The following TMEM176B variants were observed in gnomAD, a reference collection of about 807,000 sequenced individuals.
TMEM176B encodes the protein transmembrane protein 176B.
Under a neutral mutation model 30.3 loss-of-function variants are expected in TMEM176B, and 28 were observed. The ratio of observed to expected loss-of-function variants is 0.92; its 90% confidence interval spans 0.68 to 1.27. The LOEUF (loss-of-function observed/expected upper bound fraction) is 1.27, where lower values mean the gene tolerates loss of function less well. TMEM176B is among the 50% of genes most tolerant of loss of function. The pLI is 0.00. For missense variants in TMEM176B, 349 were observed against 327.4 expected, an observed-to-expected ratio of 1.07 and a Z score of -0.51; for synonymous variants, 123 against 130.3, an observed-to-expected ratio of 0.94 and a Z score of 0.38.
upstream of TMEM176B, chr7:150,801,330 C>CAG (rs1798776405): frequency 2.0e-6 from 1 of 509,912 alleles, no homozygotes; most frequent in Admixed American, 3.9e-5. Context: ...CCCGCAGGCT[C>CAG]TGTAGTCGCC....
intron 1 of TMEM176B, 145 bp from the exon 2 acceptor site, chr7:150,796,719 G>A: frequency 1.2e-6 from 1 of 801,254 alleles, no homozygotes; most frequent in Non-Finnish European, 2.0e-6. Flanking sequence ...AGTGCTTTGG[G>A]AGGCTGAGGT....
intron 1 of TMEM176B, among the ~76,000 whole-genome samples, chr7:150,797,648 A>G (rs76081645): frequency 0.032 from 4,822 of 152,052 alleles, 239 homozygotes; most frequent in African/African-American, 0.11. Context: ...CTTTGTGATG[A>G]CTTTTGTTCC....
intron 1 of TMEM176B, among the ~76,000 whole-genome samples, chr7:150,797,001 G>A (rs1798555873): frequency 6.6e-6 from 1 of 152,086 alleles, no homozygotes; most frequent in African/African-American, 2.4e-5. Flanking sequence ...CAGTGTCTTT[G>A]TCAAAATTCA....
intron 1 of TMEM176B, among the ~76,000 whole-genome samples, chr7:150,799,184 G>C (rs1480738119): frequency 6.6e-6 from 1 of 152,236 alleles, no homozygotes; most frequent in Non-Finnish European, 1.5e-5. Context: ...ACTTCTGAAA[G>C]ATACGTTCCA....
At chr7:150,792,200 TAGTC>T in intron 5 of TMEM176B, 25 bp from the exon 6 acceptor site, 1 of 1,610,560 alleles carries the variant, frequency 6.2e-7, no homozygotes. Context: ...AGAACAAAGA[TAGTC>T]AGGTGTCAGC....
Position 150,792,093 on chromosome 7 carries a change from C to G in TMEM176B, c.683G>C (p.Gly228Ala), listed in dbSNP as rs1329004692. 6.2e-7 allele frequency: 1 copy of G among 1,613,998 alleles called. No homozygotes were observed. The change falls in exon 6 of 7, where the codon GGT becomes GCT. Residue 228 changes from glycine (G) to alanine (A), a missense_variant. Coordinates refer to ENST00000326442, the MANE Select transcript of TMEM176B (RefSeq NM_001101312.2). ...GCTCTGGCCACACAAGTTTCGAAGA[C>G]CTACTCCCAAGGAAACCAAGGACAC... ...VIVSLVSLGV[G>A]LRNLCGQSSQ...
Position 150,791,613 on chromosome 7 carries a change from C to A in TMEM176B, c.731G>T (p.Gly244Val), listed in dbSNP as rs1322465517. The A allele has an allele frequency of 1.2e-6, 2 of 1,613,556 alleles. No homozygotes were observed. The highest frequency in any genetic ancestry group is 1.7e-6 in the Non-Finnish European group (2 of 1,179,856). ...CTCCCCCAGTAGCCTCTTCTCTGAT[C>A]CTTCCTCATTCTGGAAAAAAAAGAA... Reference protein sequence around the residue: ...GQSSQPLNEEGSEKRLLGENS... With the variant: ...GQSSQPLNEEVSEKRLLGENS... Residue 244 changes from glycine to valine, a missense_variant, in exon 7 of 7, where the codon GGA (glycine) becomes GTA (valine). Transcript: ENST00000326442.
intron 2 of TMEM176B, among the ~76,000 whole-genome samples, chr7:150,795,116 A>C (rs1200207882): frequency 6.6e-6 from 1 of 152,060 alleles, no homozygotes; most frequent in African/African-American, 2.4e-5. Context: ...TCTCCTCACC[A>C]TTTCTGCTAT....
intron 1 of TMEM176B, among the ~76,000 whole-genome samples, chr7:150,799,654 G>T (rs1356599501): frequency 6.6e-6 from 1 of 152,182 alleles, no homozygotes; most frequent in African/African-American, 2.4e-5. Context: ...AGACAATTCC[G>T]CACACGTACA....
rs534011163 is a variant in TMEM176B at position 150,796,555 on chromosome 7, C to T, written c.15G>A (p.Thr5=). The T allele has an allele frequency of 3.5e-5, 56 of 1,613,958 alleles. No homozygotes were observed. In the Admixed American group the frequency reaches 3.8e-4, roughly 11 times the overall value. MTQN[T]VIVNGVAMAS... ...CCATAGCAACTCCATTCACAATCAC[C>T]GTGTTTTGCGTCATCCTGCCTGCCA... Residue 5 remains threonine (T), a synonymous_variant, in exon 2 of 7, where the codon ACG becomes ACA. Transcript: ENST00000326442.
chr7:150,791,921 G>A, intron 6 of TMEM176B, 135 bp downstream of exon 6: 4 of 1,312,034 alleles, frequency 3.0e-6, no homozygotes, highest in Non-Finnish European at 4.2e-6. Context: ...AAAGGGGAGA[G>A]CTGCATATGG....
chr7:150,799,012 T>C (rs1798648354), intron 1 of TMEM176B, among the ~76,000 whole-genome samples: 1 of 152,190 alleles, frequency 6.6e-6, no homozygotes, highest in African/African-American at 2.4e-5. Context: ...GACTTCCCCG[T>C]TTCGAGATTA....
chr7:150,794,781 CA>C (rs774537896), intron 2 of TMEM176B, among the ~76,000 whole-genome samples: 35 of 152,152 alleles, frequency 2.3e-4, no homozygotes, highest in Non-Finnish European at 3.8e-4. Flanking sequence ...TGTCATACCC[CA>C]ATAAGCCGTT....
At chr7:150,792,286 C>G in intron 5 of TMEM176B, 111 bp from the exon 6 acceptor site, 13 of 1,395,170 alleles carry the variant, frequency 9.3e-6, no homozygotes, top group Non-Finnish European at 1.3e-5. Context: ...TTGCTGCTCC[C>G]ACCACAGCTG....
At chr7:150,793,382 T>A (rs892379500) in intron 4 of TMEM176B, 67 bp from the exon 5 acceptor site, 23 of 1,531,154 alleles carry the variant, frequency 1.5e-5, no homozygotes, top group Middle Eastern at 3.4e-4. Flanking sequence ...GGTCCCCGCC[T>A]CAAATCCCTC....
At chr7:150,794,544 C>T (rs1014798525) in intron 2 of TMEM176B, among the ~76,000 whole-genome samples, 39 of 151,998 alleles carry the variant, frequency 2.6e-4, no homozygotes, top group African/African-American at 8.9e-4. Flanking sequence ...CAGTTGTCAG[C>T]TCCTTCAGGG....
intron 1 of TMEM176B, 33 bp from the exon 2 acceptor site, chr7:150,796,607 T>G: frequency 6.2e-7 from 1 of 1,607,082 alleles, no homozygotes; most frequent in Non-Finnish European, 8.5e-7. Context: ...CAGTGAGGTC[T>G]GGGAACTAGG....
At position 150,793,539 on chromosome 7, in the gene TMEM176B, C is replaced by G; in HGVS notation, c.372+5G>C. The G allele has an allele frequency of 6.2e-7, 1 of 1,613,088 alleles. No homozygotes were observed. Among genetic ancestry groups the G allele is most frequent in the African/African-American group, 1.3e-5 (1 of 75,024 alleles). Reference sequence around the variant, plus strand: ...CAAGGTGGAGAGAGGGTGTCCAAGACTCACAGCAAGTTTGCCCGGGTGCTT... The same window carrying G: ...CAAGGTGGAGAGAGGGTGTCCAAGAGTCACAGCAAGTTTGCCCGGGTGCTT... On this transcript the variant is annotated splice_donor_5th_base_variant and intron_variant, in intron 4 of 6. Coordinates refer to ENST00000326442, the MANE Select transcript of TMEM176B (RefSeq NM_001101312.2).
intron 2 of TMEM176B, among the ~76,000 whole-genome samples, 154 bp from the exon 3 acceptor site, chr7:150,794,225 C>G (rs569967598): frequency 1.3e-5 from 2 of 152,262 alleles, no homozygotes; most frequent in East Asian, 3.9e-4. Flanking sequence ...GATTCTGTCC[C>G]CTTAAAATCC....
Sources: gnomAD v4.1 joint callset for allele counts (sites outside exome capture counted in the v4.1 genomes callset) on GRCh38, gnomAD v4.1.1 for gene constraint, MANE v1.5 for transcripts, NCBI Gene and HGNC (gene_info 2026-07-23, HGNC 2026-07-21) for gene names.